Variants in CHRM3 observed in about 807,000 individuals in gnomAD.
The protein encoded by CHRM3 is cholinergic receptor muscarinic 3.
A neutral mutation model predicts 41.8 loss-of-function variants in CHRM3; 11 were observed. That is an observed-to-expected ratio of 0.26 (90% CI 0.17 to 0.44). The LOEUF (loss-of-function observed/expected upper bound fraction) is 0.44, where lower values mean the gene tolerates loss of function less well. CHRM3 is among the 20% of genes least tolerant of loss of function. CHRM3 has a pLI of 1.00. For synonymous variants in CHRM3, 297 were observed against 301.4 expected (o/e 0.99, Z 0.15); for missense variants, 571 against 745.4 (o/e 0.77, Z 2.72).
At chr1:239,884,822 C>T (rs1677935631) in intron 6 of CHRM3, among the ~76,000 whole-genome samples, 1 of 152,120 alleles carries the variant, frequency 6.6e-6, no homozygotes, top group Admixed American at 6.5e-5. Flanking sequence ...TTTAAAATAT[C>T]CCTCAAAACC....
rs542648203 is a variant in CHRM3, at chr1:239,804,855, C to T, written c.-146-22397C>T. Among the ~76,000 whole-genome samples the T allele has an allele frequency of 1.7e-3, 254 of 152,256 alleles. 1 individual carries two copies. Among genetic ancestry groups the T allele is most frequent in the African/African-American group, 5.9e-3 (243 of 41,536 alleles). ...ATTTTCCCCTTAATCTGTCTCTGTC[C>T]GGCTGTGTCTTGTGCCAGCTCTTTT... On this transcript the variant is annotated intron_variant, in intron 5 of 6. Transcript: ENST00000676153.
At chr1:239,800,667 G>A (rs1438124828) in intron 5 of CHRM3, among the ~76,000 whole-genome samples, 1 of 152,206 alleles carries the variant, frequency 6.6e-6, no homozygotes, top group African/African-American at 2.4e-5. Context: ...TGTGTAACAG[G>A]GATCTGGTGG....
At chr1:239,645,033 C>T (rs905271319) in intron 4 of CHRM3, among the ~76,000 whole-genome samples, 1 of 152,232 alleles carries the variant, frequency 6.6e-6, no homozygotes, top group Non-Finnish European at 1.5e-5. Flanking sequence ...CATCAGCTCA[C>T]AGCCCCTTGT....
intron 1 of CHRM3, among the ~76,000 whole-genome samples, chr1:239,402,514 C>T (rs1256917110): frequency 6.6e-6 from 1 of 152,098 alleles, no homozygotes; most frequent in Non-Finnish European, 1.5e-5. Flanking sequence ...CTTTTGATTC[C>T]ATCTCCCTTT....
chr1:239,469,216 C>G (rs1398356163), intron 1 of CHRM3, among the ~76,000 whole-genome samples: 2 of 152,222 alleles, frequency 1.3e-5, no homozygotes, highest in Non-Finnish European at 2.9e-5. Flanking sequence ...GATACAATCT[C>G]TGTTACAGTG....
intron 6 of CHRM3, among the ~76,000 whole-genome samples, chr1:239,883,803 A>G (rs1047274620): frequency 1.3e-5 from 2 of 152,232 alleles, no homozygotes; most frequent in Non-Finnish European, 2.9e-5. Flanking sequence ...ACTAAGAACA[A>G]AATGTCTCCT....
At chr1:239,412,881 C>T (rs76521436) in intron 1 of CHRM3, among the ~76,000 whole-genome samples, 3,171 of 151,946 alleles carry the variant, frequency 0.021, 40 homozygotes, top group Middle Eastern at 0.048. Context: ...GAGATGGAGA[C>T]CAGCCTGGCC....
At chr1:239,424,773 G>C (rs1662238756) in intron 1 of CHRM3, among the ~76,000 whole-genome samples, 1 of 152,228 alleles carries the variant, frequency 6.6e-6, no homozygotes, top group Non-Finnish European at 1.5e-5. Context: ...GAGGGGTACA[G>C]TGCTGGGATG....
chr1:239,750,396 T>C (rs1364373719), intron 5 of CHRM3, among the ~76,000 whole-genome samples: 3 of 152,252 alleles, frequency 2.0e-5, no homozygotes, highest in African/African-American at 7.2e-5. Flanking sequence ...AATGTAGTTT[T>C]GCAATTTATT....
At chr1:239,478,806 G>A (rs114136424) in intron 1 of CHRM3, among the ~76,000 whole-genome samples, 2,392 of 152,270 alleles carry the variant, frequency 0.016, 54 homozygotes, top group Middle Eastern at 0.051. Flanking sequence ...CTCAATTAGT[G>A]TAATTAGAAT....
At chr1:239,455,506 A>G (rs1038949935) in intron 1 of CHRM3, among the ~76,000 whole-genome samples, 3 of 152,146 alleles carry the variant, frequency 2.0e-5, no homozygotes, top group East Asian at 3.9e-4. Flanking sequence ...GTAGAGGGGA[A>G]GACGGTGATA....
chr1:239,532,030 T>TTTTTTTTTTTTTG (rs1657635096), intron 2 of CHRM3, among the ~76,000 whole-genome samples: 1 of 108,450 alleles, frequency 9.2e-6, no homozygotes, highest in African/African-American at 3.2e-5. Context: ...TTTTTTTTTT[T>TTTTTTTTTTTTTG]GAGACGGAGT....
At chr1:239,702,698 C>T (rs1660796856) in intron 5 of CHRM3, among the ~76,000 whole-genome samples, 1 of 152,244 alleles carries the variant, frequency 6.6e-6, no homozygotes, top group Non-Finnish European at 1.5e-5. Flanking sequence ...GCAGCCTCTG[C>T]CTCCTGGGTT....
At chr1:239,563,265 T>A (rs1238554830) in intron 3 of CHRM3, among the ~76,000 whole-genome samples, 1 of 151,828 alleles carries the variant, frequency 6.6e-6, no homozygotes, top group African/African-American at 2.4e-5. Context: ...TCAAAATTTG[T>A]TTGTTTCTAA....
rs550297389 is a variant in CHRM3, at chr1:239,653,881, AAAAC to A, written c.-250+21609_-250+21612del. On this transcript the variant is annotated intron_variant, in intron 4 of 6. Transcript: ENST00000676153. The stretch of plus-strand genomic sequence containing the variant: ...GGAAATAGCAAGAGAGGAGAAAAAC[AAAAC>A]AAACAAACAAACAGAAAAGAACAGA... 5.2e-3 allele frequency among the ~76,000 whole-genome samples: 794 copies of A among 152,322 alleles called. 5 individuals carry two copies. The highest frequency in any genetic ancestry group is 0.017 in the Middle Eastern group (5 of 292).
At chr1:239,704,217 T>C (rs1435180304) in intron 5 of CHRM3, 1 of 152,144 alleles carries the variant, frequency 6.6e-6, no homozygotes, top group African/African-American at 2.4e-5. Flanking sequence ...GATCTGCACG[T>C]AGGAATCAAC....
intron 5 of CHRM3, among the ~76,000 whole-genome samples, chr1:239,740,606 C>T (rs2148491603): frequency 6.6e-6 from 1 of 152,192 alleles, no homozygotes; most frequent in South Asian, 2.1e-4. Context: ...TGTCCTAATG[C>T]TCTCCCTCCC....
chr1:239,535,101 A>G (rs1189218122), intron 2 of CHRM3, among the ~76,000 whole-genome samples: 3 of 152,168 alleles, frequency 2.0e-5, no homozygotes, highest in Admixed American at 2.0e-4. Flanking sequence ...TTCTTCCACC[A>G]AATAAGTGTA....
chr1:239,398,616 A>G lies in CHRM3; in HGVS notation c.-521+11389A>G, dbSNP rs1023006644. Among the ~76,000 whole-genome samples, 5 of 152,308 alleles carry G rather than the reference A, an allele frequency of 3.3e-5. No homozygotes were observed. The East Asian group carries it at 7.7e-4, about 24-fold the overall frequency. ...TGGTATAGTTAATATGTCTCCTCCC[A>G]TATGGATTGTGTGTTTCCTGTAGAA... On this transcript the variant is annotated intron_variant, in intron 1 of 6. Coordinates refer to ENST00000676153, the MANE Select transcript of CHRM3 (RefSeq NM_001375978.1).
Sources: gnomAD v4.1 joint callset for allele counts (sites outside exome capture counted in the v4.1 genomes callset) on GRCh38, gnomAD v4.1.1 for gene constraint, MANE v1.5 for transcripts, NCBI Gene and HGNC (gene_info 2026-07-23, HGNC 2026-07-21) for gene names.